HJURP: variants seen among roughly 807,000 people sequenced by gnomAD.
HJURP encodes Holliday junction recognition protein, also known as 14-3-3-associated AKT substrate.
HJURP carries 49 observed loss-of-function variants against 72.0 expected under a neutral mutation model. The observed-to-expected ratio is 0.68, with a 90% CI of 0.54 to 0.86. The LOEUF (loss-of-function observed/expected upper bound fraction) is 0.86, where lower values mean the gene tolerates loss of function less well. Among genes scored for constraint, HJURP ranks in the 40% least tolerant of loss-of-function variants. The pLI is 0.00. For synonymous variants in HJURP, 357 were observed against 347.1 expected, an observed-to-expected ratio of 1.03 and a Z score of -0.32; for missense variants, 908 against 936.3, an observed-to-expected ratio of 0.97 and a Z score of 0.39.
At chr2:233,839,929 C>A (rs1705178673) in intron 8 of HJURP, among the ~76,000 whole-genome samples, 1 of 152,226 alleles carries the variant, frequency 6.6e-6, no homozygotes, top group African/African-American at 2.4e-5. Flanking sequence ...TGACTGTGGA[C>A]ACACAGAGAA....
At position 233,841,219 on chromosome 2, in the gene HJURP, A is replaced by G; in HGVS notation, c.1561T>C (p.Ser521Pro). 3 of 1,614,152 alleles carry G rather than the reference A, an allele frequency of 1.9e-6. No homozygotes were observed. Among genetic ancestry groups the G allele is most frequent in the Non-Finnish European group, 1.7e-6 (2 of 1,180,016 alleles). ...AGRCLPKSDS[S>P]SSLPKTNPTH... ...GGGTTGGTCTTTGGAAGTGATGAAGATGAATCGCTCTTGGGCAGGCACCTA... is the reference window on the plus strand; with the variant it reads ...GGGTTGGTCTTTGGAAGTGATGAAGGTGAATCGCTCTTGGGCAGGCACCTA... The change falls in exon 8 of 9, where the codon TCT becomes CCT. Residue 521 changes from serine (S) to proline (P), a missense_variant. Physicochemically the swap from Ser to Pro is moderately conservative, Grantham distance 74 (BLOSUM62 -1). This residue lies in a region of HJURP where 598 missense variants were observed against 619.5 expected (regional missense o/e 0.97). Transcript: ENST00000411486.
rs1705362214 is a variant in HJURP at position 233,846,339 on chromosome 2, C to G, written c.403-519G>C. 6.6e-6 allele frequency among the ~76,000 whole-genome samples: 1 copy of G among 152,172 alleles called. No individual in the cohort carries two copies. The highest frequency in any genetic ancestry group is 1.5e-5 in the Non-Finnish European group (1 of 68,038). ...TGGTGGTGGGCGCCTGTAGTCCCAG[C>G]TACTTGGGAGGCTGAGGCAGGAGAA... On this transcript the variant is annotated intron_variant, in intron 5 of 8. Coordinates refer to ENST00000411486, the MANE Select transcript of HJURP (RefSeq NM_018410.5). This position sits in a 1 kb window ranked among gnomAD's most constrained non-coding sequence, Gnocchi z 4.3.
chr2:233,838,679 T>C (rs1574639185), intron 8 of HJURP, among the ~76,000 whole-genome samples: 1 of 152,196 alleles, frequency 6.6e-6, no homozygotes, highest in East Asian at 1.9e-4. Flanking sequence ...GATCTCTCTC[T>C]GGGCCGGACA....
chr2:233,844,426 G>A (rs1574645526), intron 6 of HJURP, 143 bp from the exon 7 acceptor site: 1 of 670,550 alleles, frequency 1.5e-6, no homozygotes, highest in East Asian at 2.6e-5. Context: ...ACAGTGGCCA[G>A]CTAGGCTTCG....
chr2:233,837,284 A>G lies in HJURP; in HGVS notation c.*293T>C, dbSNP rs1705089169. ...CTGGGCGATAGAGAGAGACTGTCTC[A>G]AAAACAAACAAACAAACAAACAAAC... On this transcript the variant is annotated 3_prime_UTR_variant, in exon 9 of 9. Transcript: ENST00000411486. 3.1e-6 allele frequency: 1 copy of G among 322,300 alleles called. No individual in the cohort carries two copies. Among genetic ancestry groups the G allele is most frequent in the Admixed American group, 5.5e-5 (1 of 18,194 alleles). The allele number at this position is 322,300 out of a possible 1,614,324, so 20.0% of individuals were successfully genotyped here. A position where few individuals can be genotyped will look rare whatever the true frequency, so the allele number is the denominator to read the frequency against.
chr2:233,854,282 G>T (rs1705564345), intron 1 of HJURP, 102 bp downstream of exon 1: 2 of 748,436 alleles, frequency 2.7e-6, no homozygotes, highest in Non-Finnish European at 4.3e-6. Context: ...CCCAACCCCC[G>T]CTCCGAGTCC....
intron 8 of HJURP, 80 bp downstream of exon 8, chr2:233,840,529 A>G: frequency 7.1e-7 from 1 of 1,404,302 alleles, no homozygotes; most frequent in South Asian, 1.4e-5. Context: ...ACGTGGCGCA[A>G]AGATTCCTAC....
intron 2 of HJURP, among the ~76,000 whole-genome samples, chr2:233,853,400 T>G (rs551290707): frequency 6.6e-6 from 1 of 152,300 alleles, no homozygotes; most frequent in East Asian, 1.9e-4. Context: ...CAGTTACTAC[T>G]CCAAGTTAAA....
At chr2:233,853,118 G>A (rs1705535725) in intron 2 of HJURP, among the ~76,000 whole-genome samples, 1 of 152,210 alleles carries the variant, frequency 6.6e-6, no homozygotes, top group African/African-American at 2.4e-5. Flanking sequence ...TGGCTATAAA[G>A]GCAGAAAGGT....
intron 2 of HJURP, 136 bp from the exon 3 acceptor site, chr2:233,852,756 C>T (rs1459896547): frequency 1.6e-6 from 1 of 618,410 alleles, no homozygotes. Flanking sequence ...TTCTGATACC[C>T]TGCGATTGTT....
At chr2:233,842,344 G>C in intron 7 of HJURP, 139 bp from the exon 8 acceptor site, 1 of 651,378 alleles carries the variant, frequency 1.5e-6, no homozygotes, top group East Asian at 2.7e-5. Flanking sequence ...CAAATGTGTA[G>C]GAGTAGACTC....
chr2:233,845,478 C>T (rs111522516), intron 6 of HJURP, among the ~76,000 whole-genome samples: 1 of 152,126 alleles, frequency 6.6e-6, no homozygotes, highest in African/African-American at 2.4e-5. Flanking sequence ...CTGTGAGTTG[C>T]CCCAGAACAG....
rs531154743 is a variant in HJURP at position 233,837,157 on chromosome 2, G to A, written c.*420C>T. The A allele has an allele frequency of 6.3e-5, 12 of 189,430 alleles. No homozygotes were observed. The highest frequency in any genetic ancestry group is 1.8e-4 in the Admixed American group (3 of 16,388). 11.7% of individuals were successfully genotyped at this position (189,430 alleles called of 1,614,324 possible). On this transcript the variant is annotated 3_prime_UTR_variant, in exon 9 of 9. Coordinates refer to ENST00000411486, the MANE Select transcript of HJURP (RefSeq NM_018410.5). ...AAAAATTAGCCAGGCGTGGTGGCGC[G>A]CGCCTGTAATCCCAGCTACTCGGGA...
At chr2:233,847,719 G>A (rs1014462711) in intron 4 of HJURP, among the ~76,000 whole-genome samples, 1 of 152,168 alleles carries the variant, frequency 6.6e-6, no homozygotes, top group African/African-American at 2.4e-5. Context: ...TGGCCTCTGA[G>A]CCTGGAAGTT....
At chr2:233,850,614 C>T (rs1228012786) in intron 3 of HJURP, among the ~76,000 whole-genome samples, 2 of 152,210 alleles carry the variant, frequency 1.3e-5, no homozygotes, top group African/African-American at 4.8e-5. Flanking sequence ...GGATGGTCCT[C>T]AGGTGTCAAC....
chr2:233,837,564 C>T lies in HJURP; in HGVS notation c.*13G>A, dbSNP rs376359351. ...GCAAGTGGGAAGATAAATAACACTCCGAAATAACCTAGCTACACACTTTTA... is the reference window on the plus strand; with the variant it reads ...GCAAGTGGGAAGATAAATAACACTCTGAAATAACCTAGCTACACACTTTTA... On this transcript the variant is annotated 3_prime_UTR_variant, in exon 9 of 9. Coordinates refer to ENST00000411486, the MANE Select transcript of HJURP (RefSeq NM_018410.5). The T allele has an allele frequency of 7.5e-5, 118 of 1,572,514 alleles. No homozygotes were observed. In the African/African-American group the frequency reaches 8.5e-4, roughly 11 times the overall value.
In HJURP at chr2:233,842,339, G is replaced by A. The variant is rs1705254337; in HGVS notation, c.575-134C>T. On this transcript the variant is annotated intron_variant, in intron 7 of 8. Transcript: ENST00000411486. ...TAGCAAAAACAAAAACACCACAAAT[G>A]TGTAGGAGTAGACTCTTCTCAGAGA... The A allele has an allele frequency of 7.4e-6, 5 of 680,112 alleles. No homozygotes were observed. In the East Asian group the frequency reaches 1.3e-4, roughly 18 times the overall value. 42.1% of individuals were successfully genotyped at this position (680,112 alleles called of 1,614,324 possible).
chr2:233,842,632 T>C (rs1284747354), intron 7 of HJURP, among the ~76,000 whole-genome samples: 4 of 87,698 alleles, frequency 4.6e-5, no homozygotes, highest in South Asian at 3.9e-4. Flanking sequence ...AACCATAAAA[T>C]TGAACACAAA....
intron 2 of HJURP, among the ~76,000 whole-genome samples, chr2:233,853,589 C>A (rs1229656583): frequency 6.6e-6 from 1 of 152,216 alleles, no homozygotes; most frequent in Non-Finnish European, 1.5e-5. Context: ...CTGCCCCACG[C>A]TGCCATGGTG....
Sources: allele counts gnomAD v4.1 joint callset (sites outside exome capture counted in the v4.1 genomes callset), GRCh38; gene constraint gnomAD v4.1.1; regional missense constraint gnomAD v4.1.1; non-coding constraint Gnocchi (gnomAD v3.1); transcripts MANE v1.5; gene names NCBI Gene and HGNC (gene_info 2026-07-23, HGNC 2026-07-21).